ZNF385D: variants seen among roughly 807,000 people sequenced by gnomAD.
ZNF385D encodes the protein zinc finger protein 385D.
A neutral mutation model predicts 35.8 loss-of-function variants in ZNF385D; 15 were observed. The ratio of observed to expected loss-of-function variants is 0.42; its 90% CI spans 0.28 to 0.64. The LOEUF (loss-of-function observed/expected upper bound fraction) is 0.64, where lower values mean the gene tolerates loss of function less well. Among genes scored for constraint, ZNF385D ranks in the 30% least tolerant of loss-of-function variants. The pLI is 0.23. For synonymous variants in ZNF385D, 212 were observed against 186.8 expected (o/e 1.13, Z -1.10); for missense variants, 474 against 494.6 (o/e 0.96, Z 0.39).
At chr3:21,784,770 T>A (rs1273217330) in intron 3 of ZNF385D, among the ~76,000 whole-genome samples, 1 of 152,056 alleles carries the variant, frequency 6.6e-6, no homozygotes, top group Non-Finnish European at 1.5e-5. Flanking sequence ...AAAGAAAATA[T>A]CAAAATTTTA....
chr3:22,207,436 A>G (rs1288863039), intron 2 of ZNF385D, among the ~76,000 whole-genome samples: 1 of 151,996 alleles, frequency 6.6e-6, no homozygotes, highest in African/African-American at 2.4e-5. Context: ...CACAAAAATC[A>G]AATCAAAATG....
intron 1 of ZNF385D, among the ~76,000 whole-genome samples, chr3:21,709,386 G>T (rs1398196239): frequency 5.9e-5 from 9 of 152,060 alleles, no homozygotes; most frequent in Admixed American, 5.2e-4. Flanking sequence ...TAGTCCCCAT[G>T]AGTTTCCAGA....
intron 2 of ZNF385D, among the ~76,000 whole-genome samples, chr3:22,327,090 G>C (rs957870204): frequency 6.6e-6 from 1 of 152,112 alleles, no homozygotes; most frequent in Non-Finnish European, 1.5e-5. Context: ...ATGAAAAAGT[G>C]CAAGAAATAT....
intron 1 of ZNF385D, among the ~76,000 whole-genome samples, chr3:21,721,921 G>A (rs1358742099): frequency 4.6e-5 from 7 of 152,074 alleles, no homozygotes; most frequent in Admixed American, 1.3e-4. Context: ...CCAAAATGGC[G>A]AAACCCATCC....
At position 22,047,280 on chromosome 3, in the gene ZNF385D, A is replaced by T. The variant is rs188805775; in HGVS notation, c.325+121537T>A. Among the ~76,000 whole-genome samples the T allele has an allele frequency of 4.5e-4, 69 of 152,172 alleles. No homozygotes were observed. The East Asian group carries it at 0.01, about 23-fold the overall frequency. ...AAGAACACTTAAAATCTACTGCAAC[A>T]ATCTACTCTCAGCAATTTTCAAGTA... On this transcript the variant is annotated intron_variant, in intron 3 of 5. Transcript: ENST00000494108.
chr3:21,543,767 T>A (rs1250116447), intron 3 of ZNF385D, among the ~76,000 whole-genome samples: 6 of 152,228 alleles, frequency 3.9e-5, no homozygotes, highest in Admixed American at 3.9e-4. Context: ...AGATGTTGTA[T>A]TAAGGTAGGC....
At position 21,516,734 on chromosome 3, in the gene ZNF385D, G is replaced by C. The variant is rs183977127; in HGVS notation, c.277-5711C>G. ...TGGGTCATCGTGCATGCATACCTGA[G>C]TTATACATCTTAGTAAACTTTTGTT... On this transcript the variant is annotated intron_variant, in intron 3 of 7. Coordinates refer to ENST00000281523, the MANE Select transcript of ZNF385D (RefSeq NM_024697.3). Among the ~76,000 whole-genome samples the C allele has an allele frequency of 8.2e-4, 125 of 152,252 alleles. 1 individual carries two copies. The highest frequency in any genetic ancestry group is 3.0e-3 in the African/African-American group (124 of 41,564).
At chr3:21,614,743 C>G (rs1167003702) in intron 2 of ZNF385D, among the ~76,000 whole-genome samples, 1 of 152,198 alleles carries the variant, frequency 6.6e-6, no homozygotes, top group African/African-American at 2.4e-5. Context: ...CGAATGCCAC[C>G]TCGCCCAGCT....
At chr3:22,198,423 A>T (rs998771823) in intron 2 of ZNF385D, among the ~76,000 whole-genome samples, 4 of 152,098 alleles carry the variant, frequency 2.6e-5, no homozygotes, top group Non-Finnish European at 1.5e-5. Flanking sequence ...TTGTGGAAGA[A>T]AGCTCTAAGT....
chr3:22,224,623 G>C lies in ZNF385D; in HGVS notation c.107-55588C>G, dbSNP rs556818831. Among the ~76,000 whole-genome samples the C allele has an allele frequency of 3.9e-5, 6 of 152,290 alleles. No individual in the cohort carries two copies. The South Asian group carries it at 1.0e-3, about 26-fold the overall frequency. On this transcript the variant is annotated intron_variant, in intron 2 of 5. Coordinates refer to the ZNF385D transcript ENST00000494108. The stretch of plus-strand genomic sequence containing the variant: ...GTGATGTACAAGCTGGGAACCCAAG[G>C]AAACACTATAGGAAAGGCAGTAAGG...
At chr3:22,129,971 G>T (rs1025011853) in intron 3 of ZNF385D, among the ~76,000 whole-genome samples, 1 of 152,112 alleles carries the variant, frequency 6.6e-6, no homozygotes, top group Non-Finnish European at 1.5e-5. Context: ...GGCCCATGGC[G>T]ACTGCTGCCT....
At chr3:22,239,720 C>A (rs1699383249) in intron 2 of ZNF385D, among the ~76,000 whole-genome samples, 1 of 150,910 alleles carries the variant, frequency 6.6e-6, no homozygotes, top group African/African-American at 2.5e-5. Flanking sequence ...AGATTAAGTG[C>A]AAATTCAAGT....
chr3:21,932,307 G>A (rs939516676), intron 3 of ZNF385D, among the ~76,000 whole-genome samples: 3 of 150,358 alleles, frequency 2.0e-5, no homozygotes, highest in African/African-American at 7.3e-5. Flanking sequence ...CTTTGTAAAT[G>A]TTCCTAAATC....
intron 5 of ZNF385D, among the ~76,000 whole-genome samples, chr3:21,427,106 C>T (rs1701057216): frequency 6.6e-6 from 1 of 152,112 alleles, no homozygotes; most frequent in Non-Finnish European, 1.5e-5. Flanking sequence ...TCAGTCACCT[C>T]CTTTGCAATA....
At chr3:21,553,410 A>G (rs1445003582) in intron 3 of ZNF385D, among the ~76,000 whole-genome samples, 1 of 152,216 alleles carries the variant, frequency 6.6e-6, no homozygotes, top group African/African-American at 2.4e-5. Context: ...TACAATGTAT[A>G]TACTTTAATT....
At chr3:21,884,415 C>G (rs554371672) in intron 3 of ZNF385D, among the ~76,000 whole-genome samples, 3 of 152,042 alleles carry the variant, frequency 2.0e-5, no homozygotes, top group African/African-American at 2.4e-5. Flanking sequence ...ATATTTATCC[C>G]CTAGAATAGT....
intron 3 of ZNF385D, among the ~76,000 whole-genome samples, chr3:21,767,306 CTT>C (rs1280493043): frequency 6.6e-6 from 1 of 151,896 alleles, no homozygotes; most frequent in East Asian, 1.9e-4. Context: ...TGCCACTTGT[CTT>C]TGACAAATTT....
At chr3:21,921,278 T>A (rs7635217) in intron 3 of ZNF385D, among the ~76,000 whole-genome samples, 79,543 of 149,364 alleles carry the variant, frequency 0.53, 23,279 homozygotes, top group South Asian at 0.66. Flanking sequence ...AATGGCATAT[T>A]TAACCACACT....
At chr3:22,108,810 C>T (rs569669095) in intron 3 of ZNF385D, among the ~76,000 whole-genome samples, 10 of 151,990 alleles carry the variant, frequency 6.6e-5, no homozygotes, top group African/African-American at 1.5e-4. Flanking sequence ...GTCATGAGTT[C>T]GAGACCAGCC....
Sources: gnomAD v4.1 joint callset for allele counts (sites outside exome capture counted in the v4.1 genomes callset) on GRCh38, gnomAD v4.1.1 for gene constraint, MANE v1.5 for transcripts, NCBI Gene and HGNC (gene_info 2026-07-23, HGNC 2026-07-21) for gene names.